EXD3: variants seen among roughly 807,000 people sequenced by gnomAD.
EXD3 encodes exonuclease 3'-5' domain containing 3.
A neutral mutation model predicts 98.0 loss-of-function variants in EXD3; 92 were observed. The ratio of observed to expected loss-of-function variants is 0.94; its 90% CI spans 0.79 to 1.12. EXD3 has a LOEUF of 1.12. Ranked by LOEUF, EXD3 falls within the 50% of genes most tolerant of loss-of-function variation. EXD3 has a pLI of 0.00. For synonymous variants in EXD3, 569 were observed against 526.0 expected, an observed-to-expected ratio of 1.08 and a Z score of -1.12; for missense variants, 1,222 against 1,191.6, an observed-to-expected ratio of 1.03 and a Z score of -0.38.
intron 18 of EXD3, 96 bp downstream of exon 18, chr9:137,323,994 C>T (rs1588247928): frequency 6.5e-7 from 1 of 1,530,526 alleles, no homozygotes; most frequent in East Asian, 2.4e-5. Flanking sequence ...GGGGTCGGCC[C>T]CACGGCAAGC....
rs1837144892 is a variant in EXD3, at chr9:137,395,165, T to C, written c.55+138A>G. 6 of 775,502 alleles carry C rather than the reference T, an allele frequency of 7.7e-6. No individual in the cohort carries two copies. Among genetic ancestry groups the C allele is most frequent in the South Asian group, 7.7e-5 (5 of 64,768 alleles). 48.0% of individuals were successfully genotyped at this position (775,502 alleles called of 1,614,324 possible). A position where few individuals can be genotyped will look rare whatever the true frequency, so the allele number is the denominator to read the frequency against. On this transcript the variant is annotated intron_variant, in intron 2 of 21. Transcript: ENST00000340951. This position sits in a 1 kb window ranked among gnomAD's most constrained non-coding sequence, Gnocchi z 6.5. Reference sequence around the variant, plus strand: ...ACAAGGTCCCAAGCCGTGGACACTGTAGAGAGGCCCGCAGCTAGGGGCCAG... The same window carrying C: ...ACAAGGTCCCAAGCCGTGGACACTGCAGAGAGGCCCGCAGCTAGGGGCCAG...
chr9:137,340,492 G>C (rs1564490735), intron 17 of EXD3, among the ~76,000 whole-genome samples: 1 of 151,512 alleles, frequency 6.6e-6, no homozygotes, highest in Non-Finnish European at 1.5e-5. Context: ...AAAAAAAAAA[G>C]AAAGAGTTAA....
intron 5 of EXD3, among the ~76,000 whole-genome samples, chr9:137,372,477 A>T (rs9775457): frequency 2.0e-5 from 3 of 152,046 alleles, no homozygotes; most frequent in South Asian, 2.1e-4. Flanking sequence ...GTCAGTGCCC[A>T]GTGCCCAGGA....
In EXD3 at chr9:137,369,425, ACCCG is replaced by A. The variant is rs1235111676; in HGVS notation, c.463-1440_463-1437del. ...CGTTCAGAACCGCAGGGTGGTCACAACCCGCCCGCCCTCTGCTCCTCCTGCCGCA... is the reference window on the plus strand; with the variant it reads ...CGTTCAGAACCGCAGGGTGGTCACAACCCGCCCTCTGCTCCTCCTGCCGCA... On this transcript the variant is annotated intron_variant, in intron 5 of 21. Transcript: ENST00000340951. Among the ~76,000 whole-genome samples the A allele has an allele frequency of 1.2e-4, 18 of 152,238 alleles. No homozygotes were observed. In the East Asian group the frequency reaches 3.5e-3, roughly 29 times the overall value.
rs1318490551 is a variant in EXD3, at chr9:137,307,656, A to C, written c.2279-10T>G. 6.2e-7 allele frequency: 1 copy of C among 1,609,030 alleles called. No homozygotes were observed. Among genetic ancestry groups the C allele is most frequent in the Non-Finnish European group, 8.5e-7 (1 of 1,179,644 alleles). On this transcript the variant is annotated splice_polypyrimidine_tract_variant and intron_variant, in intron 20 of 21. Coordinates refer to ENST00000340951, the MANE Select transcript of EXD3 (RefSeq NM_017820.5). Reference sequence around the variant, plus strand: ...TGGGTGGCCTCGTCACCTGTCAGTCAAGGAAGAGAGCTGGTCCGGGACTGT... The same window carrying C: ...TGGGTGGCCTCGTCACCTGTCAGTCCAGGAAGAGAGCTGGTCCGGGACTGT...
intron 20 of EXD3, among the ~76,000 whole-genome samples, chr9:137,308,904 C>G (rs1831209621): frequency 6.6e-6 from 1 of 152,194 alleles, no homozygotes; most frequent in African/African-American, 2.4e-5. Flanking sequence ...CTCGGCCTCC[C>G]AAAGTGCTGG....
At chr9:137,382,286 T>C (rs1836352977) in intron 3 of EXD3, among the ~76,000 whole-genome samples, 3 of 150,462 alleles carry the variant, frequency 2.0e-5, no homozygotes, top group Admixed American at 6.6e-5. Flanking sequence ...ATCTCAGCCC[T>C]GTCTGTGTAT....
rs1373941186 is a variant in EXD3, at chr9:137,349,910, T to C, written c.1495-379A>G. Among the ~76,000 whole-genome samples, 3 of 151,458 alleles carry C rather than the reference T, an allele frequency of 2.0e-5. No individual in the cohort carries two copies. The highest frequency in any genetic ancestry group is 7.3e-5 in the African/African-American group (3 of 41,106). ...TAAAACAGCAGAAACGCAGACAAAA[T>C]GCAGCGAAACCACCCCCGGGGGGCT... On this transcript the variant is annotated intron_variant, in intron 14 of 21. Transcript: ENST00000340951. The surrounding 1 kb of genome is among the most constrained non-coding windows in gnomAD (Gnocchi z 7.4).
Position 137,323,774 on chromosome 9 carries a change from T to G in EXD3, c.2135A>C (p.Lys712Thr). The G allele has an allele frequency of 1.9e-6, 3 of 1,612,412 alleles. No homozygotes were observed. Among genetic ancestry groups the G allele is most frequent in the Non-Finnish European group, 2.5e-6 (3 of 1,179,738 alleles). The change falls in exon 19 of 22, where the codon AAG becomes ACG. Residue 712 changes from lysine (K) to threonine (T), a missense_variant. Coordinates refer to ENST00000340951, the MANE Select transcript of EXD3 (RefSeq NM_017820.5). Reference sequence around the variant, plus strand: ...GTGGGTGACACGCACGTTGAAATGCTTGAGCACAGCCTTGGCCTGCTGCTG... The same window carrying G: ...GTGGGTGACACGCACGTTGAAATGCGTGAGCACAGCCTTGGCCTGCTGCTG... The part of the protein sequence containing the change: ...KAQQQAKAVL[K>T]HFNVRVTHAD...
At chr9:137,368,691 C>T (rs919389685) in intron 5 of EXD3, among the ~76,000 whole-genome samples, 1 of 152,242 alleles carries the variant, frequency 6.6e-6, no homozygotes, top group Non-Finnish European at 1.5e-5. Flanking sequence ...ACCAAAATAG[C>T]GGCCTGGGAA....
At chr9:137,329,767 TCAC>T in intron 17 of EXD3, among the ~76,000 whole-genome samples, 1 of 1,642 alleles carries the variant, frequency 6.1e-4, no homozygotes, top group Admixed American at 5.9e-3. Context: ...CTACACGGGG[TCAC>T]ACGGGACTAC....
chr9:137,420,648 G>T (rs368039754), intron 1 of EXD3, among the ~76,000 whole-genome samples: 2 of 151,776 alleles, frequency 1.3e-5, no homozygotes, highest in Non-Finnish European at 2.9e-5. Context: ...TCCCTTAAAA[G>T]GTTCTTGGCC....
chr9:137,345,822 T>C (rs560755307), intron 17 of EXD3: 3 of 152,050 alleles, frequency 2.0e-5, no homozygotes, highest in East Asian at 1.9e-4. Context: ...AGTAAGGTGG[T>C]CACAAATGTG....
rs759315176 is a variant in EXD3, at chr9:137,373,498, G to A, written c.222C>T (p.Pro74=). Residue 74 remains proline, a synonymous_variant, in exon 4 of 22, where the codon CCC becomes CCT. Coordinates refer to ENST00000340951, the MANE Select transcript of EXD3 (RefSeq NM_017820.5). ...ESCRGQRGEG[P]SLAAWISHQL... Reference sequence around the variant, plus strand: ...GGTGGGAGATCCAGGCCGCCAGGGAGGGGCCCTCTCCCCGCTGGCCCCGGC... The same window carrying A: ...GGTGGGAGATCCAGGCCGCCAGGGAAGGGCCCTCTCCCCGCTGGCCCCGGC... The A allele has an allele frequency of 3.1e-6, 5 of 1,607,824 alleles. No individual in the cohort carries two copies. The highest frequency in any genetic ancestry group is 4.2e-6 in the Non-Finnish European group (5 of 1,178,158).
rs574874842 is a variant in EXD3, at chr9:137,365,872, C to A, written c.656+621G>T. ...CGAACACAATGCACACACAGATATACATGCACACACACACACCTGCAGGCA... is the reference window on the plus strand; with the variant it reads ...CGAACACAATGCACACACAGATATAAATGCACACACACACACCTGCAGGCA... On this transcript the variant is annotated intron_variant, in intron 7 of 21. Transcript: ENST00000340951. The A allele has an allele frequency of 9.2e-4, 343 of 372,924 alleles. 4 individuals are homozygous for A. The highest frequency in any genetic ancestry group is 2.6e-3 in the South Asian group (132 of 49,832). The allele number at this position is 372,924 out of a possible 1,614,324, so 23.1% of individuals were successfully genotyped here.
rs778540407 is a variant in EXD3 at position 137,349,500 on chromosome 9, A to G, written c.1526T>C (p.Val509Ala). 1.2e-6 allele frequency: 2 copies of G among 1,601,482 alleles called. No homozygotes were observed. Among genetic ancestry groups the G allele is most frequent in the Non-Finnish European group, 1.7e-6 (2 of 1,176,578 alleles). ...MRVASVPAPA[V>A]DRARELRGLS... The stretch of plus-strand genomic sequence containing the variant: ...GCCCCTCAGCTCCCTGGCCCTGTCC[A>G]CGGCTGGGGCTGGCACGCTCGCCAC... The change falls in exon 15 of 22, where the codon GTG (valine) becomes GCG (alanine). Residue 509 changes from valine to alanine, a missense_variant. Coordinates refer to ENST00000340951, the MANE Select transcript of EXD3 (RefSeq NM_017820.5). This position sits in a 1 kb window ranked among gnomAD's most constrained non-coding sequence, Gnocchi z 7.4.
At chr9:137,413,919 CTT>C (rs57038595) in intron 1 of EXD3, among the ~76,000 whole-genome samples, 4 of 133,510 alleles carry the variant, frequency 3.0e-5, no homozygotes, top group Admixed American at 7.5e-5. Flanking sequence ...TTTTTTTTTT[CTT>C]TTTTTTTTTT....
chr9:137,337,428 G>A (rs1249049221), intron 17 of EXD3, among the ~76,000 whole-genome samples: 19 of 152,156 alleles, frequency 1.2e-4, no homozygotes, highest in East Asian at 5.8e-4. Context: ...CAAGGCGGGC[G>A]GATCACAAGG....
At chr9:137,346,238 C>CAAAAAAAAGAAAAAAA (rs1833921611) in intron 17 of EXD3, among the ~76,000 whole-genome samples, 1 of 13,622 alleles carries the variant, frequency 7.3e-5, no homozygotes, top group African/African-American at 2.9e-4. Flanking sequence ...GACTCCGTCT[C>CAAAAAAAAGAAAAAAA]AAAAAAAAAA....
Sources: gnomAD v4.1 joint callset for allele counts (sites outside exome capture counted in the v4.1 genomes callset) on GRCh38, gnomAD v4.1.1 for gene constraint, Gnocchi (gnomAD v3.1) non-coding constraint, MANE v1.5 for transcripts, NCBI Gene and HGNC (gene_info 2026-07-23, HGNC 2026-07-21) for gene names.